Variants in A4GALT observed in about 807,000 individuals in gnomAD.
The protein encoded by A4GALT is alpha 1,4-galactosyltransferase (P1PK blood group).
For synonymous variants in A4GALT, 257 were observed against 220.7 expected (o/e 1.16, Z -1.46); for missense variants, 512 against 486.0 (o/e 1.05, Z -0.50).
At chr22:42,698,943 C>T (rs920747750) in intron 1 of A4GALT, among the ~76,000 whole-genome samples, 11 of 118,630 alleles carry the variant, frequency 9.3e-5, no homozygotes, top group African/African-American at 2.1e-4. Flanking sequence ...GCCATCGCAA[C>T]GTCAGGAAGT....
At position 42,692,661 on chromosome 22, in the gene A4GALT, C is replaced by A. The variant is rs952138985; in HGVS notation, c.*229G>T. Reference sequence around the variant, plus strand: ...TAGAAGGCCCGGGGCACTCACTGAGCGCCCTCCGCTGGCTATGGCACCATG... The same window carrying A: ...TAGAAGGCCCGGGGCACTCACTGAGAGCCCTCCGCTGGCTATGGCACCATG... On this transcript the variant is annotated 3_prime_UTR_variant, in exon 3 of 3. Transcript: ENST00000642412. The surrounding 1 kb of genome is among the most constrained non-coding windows in gnomAD (Gnocchi z 4.6). The A allele has an allele frequency of 3.0e-6, 2 of 676,910 alleles. No individual in the cohort carries two copies. The highest frequency in any genetic ancestry group is 2.3e-4 in the Middle Eastern group (1 of 4,256). 41.9% of individuals were successfully genotyped at this position (676,910 alleles called of 1,614,324 possible).
chr22:42,710,958 G>C (rs1921636328), intron 1 of A4GALT, among the ~76,000 whole-genome samples: 1 of 151,848 alleles, frequency 6.6e-6, no homozygotes. Flanking sequence ...CTGAGGGATG[G>C]AGGTTGCAGT....
chr22:42,714,417 G>A (rs1221042673), intron 1 of A4GALT, among the ~76,000 whole-genome samples: 2 of 150,860 alleles, frequency 1.3e-5, no homozygotes, highest in Admixed American at 6.6e-5. Flanking sequence ...GTGAAACCCC[G>A]TTTCTTCAAA....
At chr22:42,694,209 T>A (rs573107873) in intron 2 of A4GALT, among the ~76,000 whole-genome samples, 1 of 152,204 alleles carries the variant, frequency 6.6e-6, no homozygotes, top group African/African-American at 2.4e-5. Flanking sequence ...CTGAGCAGGG[T>A]CCCTTCCACT....
At chr22:42,703,259 G>GTTTTTT (rs59690136) in intron 1 of A4GALT, among the ~76,000 whole-genome samples, 2,202 of 131,628 alleles carry the variant, frequency 0.017, 73 homozygotes, top group African/African-American at 0.06. Context: ...GTTTGTTTTT[G>GTTTTTT]TTTTTTTTTT....
At position 42,693,511 on chromosome 22, in the gene A4GALT, C is replaced by T. The variant is rs28915382; in HGVS notation, c.441G>A (p.Arg147=). Residue 147 remains arginine, a synonymous_variant, in exon 3 of 3, where the codon CGG becomes CGA. Coordinates refer to ENST00000642412, the MANE Select transcript of A4GALT (RefSeq NM_017436.7). ...PNVQMLPLDL[R]ELFRDTPLAD... is the part of the protein sequence containing the mutation. ...CCAGGGGTGTGTCCCGGAACAGCTC[C>T]CGCAGGTCCAGCGGGAGCATCTGGA... 1,501 of 1,613,240 alleles carry T rather than the reference C, an allele frequency of 9.3e-4. 12 individuals are homozygous for T. In the African/African-American group the frequency reaches 0.016, roughly 17 times the overall value.
At position 42,693,963 on chromosome 22, in the gene A4GALT, A is replaced by T. The variant is rs1289846470; in HGVS notation, c.-12T>A. The T allele has an allele frequency of 1.3e-6, 2 of 1,567,274 alleles. No individual in the cohort carries two copies. The highest frequency in any genetic ancestry group is 2.3e-5 in the South Asian group (2 of 85,732). On this transcript the variant is annotated 5_prime_UTR_variant, in exon 3 of 3. Transcript: ENST00000642412. ...GGGGGCTTGGACATGGTATCCCCAG[A>T]TCAGACCAGGAGCTTCCAGCAGGAA...
chr22:42,703,253 G>GTTT (rs1224692766), intron 1 of A4GALT, among the ~76,000 whole-genome samples: 6 of 110,282 alleles, frequency 5.4e-5, no homozygotes, highest in Non-Finnish European at 1.1e-4. Context: ...TTGTTTGTTT[G>GTTT]TTTTTGTTTT....
At position 42,706,207 on chromosome 22, in the gene A4GALT, T is replaced by A. The variant is rs549571253; in HGVS notation, c.-187-10576A>T. Among the ~76,000 whole-genome samples, 31 of 147,472 alleles carry A rather than the reference T, an allele frequency of 2.1e-4. 1 individual carries two copies. The highest frequency in any genetic ancestry group is 7.7e-4 in the African/African-American group (31 of 40,086). The stretch of plus-strand genomic sequence containing the variant: ...CGTCTCTACTAAAAATACAAAAAAT[T>A]AGCCAGGCGTGGTGGCGGGCACCTA... On this transcript the variant is annotated intron_variant, in intron 1 of 2. Coordinates refer to ENST00000642412, the MANE Select transcript of A4GALT (RefSeq NM_017436.7).
chr22:42,709,067 A>ATATTTTTTTTTTT (rs1180529043), intron 1 of A4GALT, among the ~76,000 whole-genome samples: 24 of 128,834 alleles, frequency 1.9e-4, no homozygotes, highest in South Asian at 5.2e-4. Flanking sequence ...ATATATATAT[A>ATATTTTTTTTTTT]TTTTTTTTAA....
chr22:42,705,135 A>AG (rs1397628930), intron 1 of A4GALT, among the ~76,000 whole-genome samples: 1 of 152,196 alleles, frequency 6.6e-6, no homozygotes, highest in Non-Finnish European at 1.5e-5. Flanking sequence ...AGAGAAACCC[A>AG]GAGAACTGTC....
At chr22:42,702,683 G>C (rs1476660634) in intron 1 of A4GALT, among the ~76,000 whole-genome samples, 1 of 145,326 alleles carries the variant, frequency 6.9e-6, no homozygotes, top group East Asian at 1.9e-4. Flanking sequence ...CCCTTGCCAG[G>C]AAGAGGACAC....
chr22:42,719,623 A>G (rs1922513089), intron 1 of A4GALT, among the ~76,000 whole-genome samples: 1 of 152,012 alleles, frequency 6.6e-6, no homozygotes, highest in African/African-American at 2.4e-5. Context: ...AGAAGGTTTG[A>G]GGCTGGAAGA....
At position 42,692,723 on chromosome 22, in the gene A4GALT, G is replaced by T. The variant is rs775326810; in HGVS notation, c.*167C>A. ...CCTCGAGACAGGACACTGTCCTCGG[G>T]GTGTCCACAGCCTCCCACTGGGCCT... On this transcript the variant is annotated 3_prime_UTR_variant, in exon 3 of 3. Coordinates refer to ENST00000642412, the MANE Select transcript of A4GALT (RefSeq NM_017436.7). This position sits in a 1 kb window ranked among gnomAD's most constrained non-coding sequence, Gnocchi z 4.6. 4 of 798,866 alleles carry T rather than the reference G, an allele frequency of 5.0e-6. No individual in the cohort carries two copies. Among genetic ancestry groups the T allele is most frequent in the Non-Finnish European group, 6.3e-6 (3 of 474,252 alleles). 49.5% of individuals were successfully genotyped at this position (798,866 alleles called of 1,614,324 possible).
In A4GALT at chr22:42,693,838, G is replaced by A. The variant is rs143535213; in HGVS notation, c.114C>T (p.Ile38=). 5.0e-6 allele frequency: 8 copies of A among 1,609,412 alleles called. No homozygotes were observed. The highest frequency in any genetic ancestry group is 5.9e-6 in the Non-Finnish European group (7 of 1,178,166). Residue 38 remains isoleucine (I), a synonymous_variant, in exon 3 of 3, where the codon ATC becomes ATT. Coordinates refer to ENST00000642412, the MANE Select transcript of A4GALT (RefSeq NM_017436.7). ...TGGGCTCTCCCACAACGTGCCAGTA[G>A]ATCATGATGGAGACGAAAAACGTGA... ...FKFTFFVSIM[I]YWHVVGEPKE...
At chr22:42,700,548 G>GCC (rs1200106173) in intron 1 of A4GALT, among the ~76,000 whole-genome samples, 4 of 152,206 alleles carry the variant, frequency 2.6e-5, no homozygotes, top group South Asian at 4.1e-4. Flanking sequence ...TAAGGAGCTG[G>GCC]CCCCTGTGCG....
Position 42,693,048 on chromosome 22 carries a change from C to T in A4GALT, c.904G>A (p.Glu302Lys), listed in dbSNP as rs773946640. The stretch of plus-strand genomic sequence containing the variant: ...GCACTGAGCAGCCGCGGCAGCTCCT[C>T]GGGGTTGATGTCCTCAAAGTACTTC... The part of the protein sequence containing the change: ...WKKYFEDINP[E>K]ELPRLLSATY... Residue 302 changes from glutamate to lysine, a missense_variant, in exon 3 of 3, where the codon GAG becomes AAG. Coordinates refer to ENST00000642412, the MANE Select transcript of A4GALT (RefSeq NM_017436.7). 32 of 1,612,658 alleles carry T rather than the reference C, an allele frequency of 2.0e-5. No homozygotes were observed. The highest frequency in any genetic ancestry group is 1.6e-4 in the Middle Eastern group (1 of 6,062).
intron 1 of A4GALT, chr22:42,718,174 G>T (rs372258375): frequency 5.9e-5 from 9 of 152,210 alleles, no homozygotes; most frequent in Non-Finnish European, 1.0e-4. Flanking sequence ...AAATGTCTGC[G>T]ATGAGGAATG....
intron 1 of A4GALT, among the ~76,000 whole-genome samples, chr22:42,702,624 G>C (rs1052534111): frequency 6.6e-6 from 1 of 152,018 alleles, no homozygotes; most frequent in Non-Finnish European, 1.5e-5. Flanking sequence ...GGCGTGAGCC[G>C]CCGTGTCCGG....
Sources: gnomAD v4.1 joint callset for allele counts (sites outside exome capture counted in the v4.1 genomes callset) on GRCh38, gnomAD v4.1.1 for gene constraint, Gnocchi (gnomAD v3.1) non-coding constraint, MANE v1.5 for transcripts, NCBI Gene and HGNC (gene_info 2026-07-23, HGNC 2026-07-21) for gene names.